The following PACSIN2 variants were observed in gnomAD, a reference collection of about 807,000 sequenced individuals.
PACSIN2 encodes protein kinase C and casein kinase substrate in neurons 2, also known as protein kinase C and casein kinase substrate in neurons protein 2.
Under a neutral mutation model 63.8 loss-of-function variants are expected in PACSIN2, and 25 were observed. The ratio of observed to expected loss-of-function variants is 0.39; its 90% confidence interval spans 0.29 to 0.55. The LOEUF is 0.55. Among genes scored for constraint, PACSIN2 ranks in the 20% least tolerant of loss-of-function variants. The probability of loss-of-function intolerance (pLI) is 0.62; values close to 1 mark genes in which losing one functional copy is unlikely to be tolerated. For synonymous variants in PACSIN2, 255 were observed against 256.2 expected (o/e 1.00, Z 0.05); for missense variants, 518 against 646.9 (o/e 0.80, Z 2.16).
In PACSIN2 at chr22:42,869,791, T is replaced by C. The variant is rs572500171; in HGVS notation, c.*1566A>G. 1.3e-5 allele frequency: 2 copies of C among 152,368 alleles called. No individual in the cohort carries two copies. The highest frequency in any genetic ancestry group is 4.1e-4 in the South Asian group (2 of 4,834). 9.4% of individuals were successfully genotyped at this position (152,368 alleles called of 1,614,324 possible). The stretch of plus-strand genomic sequence containing the variant: ...TTCCATATGCACGAGATCAACTGTT[T>C]ATTGATTTTTTTCCTCAAATACTAC... On this transcript the variant is annotated 3_prime_UTR_variant, in exon 11 of 11. Transcript: ENST00000263246.
At chr22:42,966,362 T>TAA (rs775584167) in intron 1 of PACSIN2, among the ~76,000 whole-genome samples, 5 of 132,130 alleles carry the variant, frequency 3.8e-5, no homozygotes, top group Admixed American at 1.5e-4. Flanking sequence ...AGACTGCATC[T>TAA]AAAAAAAAAA....
At chr22:42,966,646 G>C (rs756331843) in intron 1 of PACSIN2, among the ~76,000 whole-genome samples, 9 of 152,226 alleles carry the variant, frequency 5.9e-5, no homozygotes, top group Admixed American at 3.3e-4. Flanking sequence ...ATGTGATAGA[G>C]GGAACATGTT....
intron 1 of PACSIN2, chr22:42,945,961 C>G (rs1186886054): frequency 6.5e-6 from 1 of 152,994 alleles, no homozygotes; most frequent in Non-Finnish European, 1.5e-5. Context: ...CTCCTCCAGC[C>G]TCACCACTCA....
In PACSIN2 at chr22:42,899,415, G is replaced by C. The variant is rs1205928542; in HGVS notation, c.61-5802C>G. On this transcript the variant is annotated intron_variant, in intron 2 of 10. Coordinates refer to ENST00000263246, the MANE Select transcript of PACSIN2 (RefSeq NM_001184970.3). Reference sequence around the variant, plus strand: ...CGATTTTCCTGCCTCGGCCTCCCGAGTAGCTGGGATGACAGCAGGCAGAGC... The same window carrying C: ...CGATTTTCCTGCCTCGGCCTCCCGACTAGCTGGGATGACAGCAGGCAGAGC... Among the ~76,000 whole-genome samples the C allele has an allele frequency of 2.6e-5, 4 of 152,140 alleles. 1 individual carries two copies. Among genetic ancestry groups the C allele is most frequent in the Admixed American group, 2.6e-4 (4 of 15,272 alleles).
intron 1 of PACSIN2, among the ~76,000 whole-genome samples, chr22:42,980,386 G>A (rs1921999488): frequency 6.6e-6 from 1 of 151,970 alleles, no homozygotes; most frequent in East Asian, 1.9e-4. Flanking sequence ...ATGGTCATTA[G>A]GAGGTCAAGG....
chr22:43,008,627 A>C (rs926977776), intron 1 of PACSIN2, among the ~76,000 whole-genome samples: 1 of 152,206 alleles, frequency 6.6e-6, no homozygotes, highest in Admixed American at 6.5e-5. Context: ...CAAAAAAATT[A>C]GTCCATAAAA....
chr22:42,944,825 C>T (rs1171012270), intron 1 of PACSIN2, among the ~76,000 whole-genome samples: 1 of 152,144 alleles, frequency 6.6e-6, no homozygotes, highest in African/African-American at 2.4e-5. Context: ...TAGCTGGGCG[C>T]GGTGGCTCAC....
intron 1 of PACSIN2, among the ~76,000 whole-genome samples, chr22:42,983,618 T>G (rs552996541): frequency 6.6e-6 from 1 of 152,104 alleles, no homozygotes; most frequent in South Asian, 2.1e-4. Context: ...GATTGACATA[T>G]GAGAATATAT....
chr22:42,879,890 GTGATC>G (rs907431307), intron 7 of PACSIN2, among the ~76,000 whole-genome samples: 1 of 152,164 alleles, frequency 6.6e-6, no homozygotes, highest in Admixed American at 6.5e-5. Flanking sequence ...CTTTTCCTCT[GTGATC>G]TGAGCACATG....
chr22:42,884,910 C>T (rs548416979), intron 5 of PACSIN2, among the ~76,000 whole-genome samples: 1 of 152,372 alleles, frequency 6.6e-6, no homozygotes, highest in Admixed American at 6.5e-5. Context: ...AGCCTCAGAT[C>T]TGGCCCACAG....
In PACSIN2 at chr22:42,940,360, C is replaced by T. The variant is rs143768564; in HGVS notation, c.-77-28203G>A. 2.5e-3 allele frequency among the ~76,000 whole-genome samples: 382 copies of T among 152,310 alleles called. 3 individuals are homozygous for T. Among genetic ancestry groups the T allele is most frequent in the African/African-American group, 8.7e-3 (361 of 41,558 alleles). On this transcript the variant is annotated intron_variant, in intron 1 of 10. Transcript: ENST00000263246. Reference sequence around the variant, plus strand: ...ACTGTCTTCATCTCTGAATCTCAGACGCTGTGCAAAGCAGGGGGTCAGCAT... The same window carrying T: ...ACTGTCTTCATCTCTGAATCTCAGATGCTGTGCAAAGCAGGGGGTCAGCAT...
At chr22:42,990,353 G>A (rs1043625414) in intron 1 of PACSIN2, among the ~76,000 whole-genome samples, 20 of 152,074 alleles carry the variant, frequency 1.3e-4, no homozygotes, top group Admixed American at 1.0e-3. Context: ...ATCCCACAGA[G>A]CCTGCTTGCC....
chr22:42,973,307 A>C (rs1420430425), intron 1 of PACSIN2, among the ~76,000 whole-genome samples: 1 of 152,254 alleles, frequency 6.6e-6, no homozygotes, highest in African/African-American at 2.4e-5. Context: ...GGTCTCGCCC[A>C]CAAGGCAATC....
intron 1 of PACSIN2, among the ~76,000 whole-genome samples, chr22:42,929,229 T>C (rs1932718226): frequency 6.6e-6 from 1 of 152,196 alleles, no homozygotes; most frequent in South Asian, 2.1e-4. Context: ...ATAAAGAAAG[T>C]CCATGCTTCC....
chr22:42,977,372 T>A (rs368916881), intron 1 of PACSIN2, among the ~76,000 whole-genome samples: 1 of 151,904 alleles, frequency 6.6e-6, no homozygotes, highest in Non-Finnish European at 1.5e-5. Flanking sequence ...AGAAAGGATA[T>A]AGGTATGGAA....
At chr22:42,923,782 A>G (rs1270083574) in intron 1 of PACSIN2, among the ~76,000 whole-genome samples, 2 of 152,166 alleles carry the variant, frequency 1.3e-5, no homozygotes, top group African/African-American at 4.8e-5. Flanking sequence ...CATGCCTGTA[A>G]TCCTAGCACT....
intron 1 of PACSIN2, among the ~76,000 whole-genome samples, chr22:43,011,608 G>C (rs1924492034): frequency 6.6e-6 from 1 of 152,242 alleles, no homozygotes; most frequent in Admixed American, 6.5e-5. Flanking sequence ...TCAAGGTATA[G>C]AGAAGAAACA....
chr22:42,916,566 C>A (rs1569266710), intron 1 of PACSIN2, among the ~76,000 whole-genome samples: 1 of 152,122 alleles, frequency 6.6e-6, no homozygotes, highest in African/African-American at 2.4e-5. Flanking sequence ...GCCGCACCAG[C>A]CTCAGCGTAT....
rs1050022097 is a variant in PACSIN2, at chr22:42,876,086, G to A, written c.1348+51C>T. The A allele has an allele frequency of 9.9e-6, 15 of 1,512,534 alleles. No individual in the cohort carries two copies. The African/African-American group carries it at 1.9e-4, about 20-fold the overall frequency. 93.7% of individuals were successfully genotyped at this position (1,512,534 alleles called of 1,614,324 possible). On this transcript the variant is annotated intron_variant, in intron 10 of 10. Coordinates refer to ENST00000263246, the MANE Select transcript of PACSIN2 (RefSeq NM_001184970.3). ...TAAAAAACAAAAAAGACCGCCCACA[G>A]CCTGCAGGTTGGAAGCCCTCCTCCC...
Sources: allele counts gnomAD v4.1 joint callset (sites outside exome capture counted in the v4.1 genomes callset), GRCh38; gene constraint gnomAD v4.1.1; transcripts MANE v1.5; gene names NCBI Gene and HGNC (gene_info 2026-07-23, HGNC 2026-07-21).